The following MGAM variants were observed in gnomAD, a reference collection of about 807,000 sequenced individuals.
MGAM encodes the protein alpha-1,4-glucosidase.
In MGAM, 253 loss-of-function variants were observed where a neutral mutation model predicts 358.8. The observed-to-expected ratio is 0.71, with a 90% confidence interval of 0.64 to 0.78. The LOEUF is 0.78. Among genes scored for constraint, MGAM ranks in the 30% least tolerant of loss-of-function variants. The probability of loss-of-function intolerance (pLI) is 0.00; values close to 1 mark genes in which losing one functional copy is unlikely to be tolerated. For synonymous variants in MGAM, 1,105 were observed against 1,227.1 expected (o/e 0.90, Z 2.08); for missense variants, 3,080 against 3,432.6 (o/e 0.90, Z 2.57).
chr7:142,019,328 G>C lies in MGAM; in HGVS notation c.448+9G>C, dbSNP rs973841028. 3.1e-6 allele frequency: 5 copies of C among 1,611,350 alleles called. No individual in the cohort carries two copies. The highest frequency in any genetic ancestry group is 4.2e-6 in the Non-Finnish European group (5 of 1,179,412). ...TGTCAACACAAATGCAGGTAAGCCAGAGTCTGCCATGATGCAGGAGGTCCA... is the reference window on the plus strand; with the variant it reads ...TGTCAACACAAATGCAGGTAAGCCACAGTCTGCCATGATGCAGGAGGTCCA... On this transcript the variant is annotated intron_variant, in intron 4 of 70. Coordinates refer to ENST00000475668, the MANE Select transcript of MGAM (RefSeq NM_001365693.1).
In MGAM at chr7:142,067,964, AAATATATATATATATATATATATTTTTT is replaced by A. The variant is rs1257240115; in HGVS notation, c.5004+540_5004+567del. Among the ~76,000 whole-genome samples, 46 of 31,102 alleles carry A rather than the reference AAATATATATATATATATATATATTTTTT, an allele frequency of 1.5e-3. 6 individuals carry two copies. Among genetic ancestry groups the A allele is most frequent in the Admixed American group, 5.4e-3 (10 of 1,858 alleles). The allele number at this position is 31,102 out of a possible 152,430, so 20.4% of individuals were successfully genotyped here. ...TATATATATATATATATATATATAT[AAATATATATATATATATATATATTTTTT>A]TTTTTTTTTTTTTGAGACAGAGTCT... On this transcript the variant is annotated intron_variant, in intron 42 of 70. Transcript: ENST00000475668.
chr7:142,041,005 T>C (rs532671372), intron 21 of MGAM, among the ~76,000 whole-genome samples, 159 bp downstream of exon 21: 1 of 152,268 alleles, frequency 6.6e-6, no homozygotes, highest in South Asian at 2.1e-4. Context: ...GGGAGGCTTT[T>C]CAATTCTGGG....
At chr7:142,065,928 T>A in intron 40 of MGAM, 97 bp downstream of exon 40, 3 of 1,011,058 alleles carry the variant, frequency 3.0e-6, no homozygotes, top group Non-Finnish European at 4.3e-6. Flanking sequence ...TCCTGGGATA[T>A]CTTTAAAAAA....
At chr7:142,094,956 C>A in intron 63 of MGAM, 93 bp downstream of exon 63, 1 of 1,282,440 alleles carries the variant, frequency 7.8e-7, no homozygotes, top group Non-Finnish European at 1.0e-6. Context: ...CCTGTGATAT[C>A]TTTAAAATTT....
chr7:142,098,314 G>C (rs1442118582), intron 66 of MGAM, among the ~76,000 whole-genome samples: 1 of 152,118 alleles, frequency 6.6e-6, no homozygotes, highest in East Asian at 1.9e-4. Flanking sequence ...CTCTGGGGTG[G>C]TGGGCTCTTG....
At chr7:142,098,610 C>A (rs1352811854) in intron 66 of MGAM, among the ~76,000 whole-genome samples, 2 of 152,168 alleles carry the variant, frequency 1.3e-5, no homozygotes, top group African/African-American at 4.8e-5. Context: ...CCAGACTCCT[C>A]TTCCTGCTGC....
chr7:142,042,655 A>G (rs1250256778), intron 21 of MGAM, among the ~76,000 whole-genome samples: 1 of 27,264 alleles, frequency 3.7e-5, no homozygotes, highest in African/African-American at 1.3e-4. Context: ...AATATATATT[A>G]TATATACATA....
At chr7:142,008,958 C>G (rs1805387824) in intron 3 of MGAM, among the ~76,000 whole-genome samples, 2 of 152,066 alleles carry the variant, frequency 1.3e-5, no homozygotes, top group Admixed American at 1.3e-4. Flanking sequence ...CAGCCAAATT[C>G]AAATTTCAGA....
chr7:142,080,838 C>T lies in MGAM; in HGVS notation c.5895C>T (p.Asn1965=), dbSNP rs1814193703. 1 of 1,556,506 alleles carries T rather than the reference C, an allele frequency of 6.4e-7. No individual in the cohort carries two copies. The highest frequency in any genetic ancestry group is 1.3e-5 in the African/African-American group (1 of 74,668). Residue 1965 remains asparagine (N), a synonymous_variant, in exon 50 of 71, where the codon AAC becomes AAT. Coordinates refer to ENST00000475668, the MANE Select transcript of MGAM (RefSeq NM_001365693.1). The stretch of plus-strand genomic sequence containing the variant: ...GGTATGAAGTTCCAGTCCCTCTGAA[C>T]ATACCCAGCGTGCCATCCAGCACCC... The part of the protein sequence containing the change: ...NNRYEVPVPL[N]IPSVPSSTPE...
In MGAM at chr7:142,093,397, GTTC is replaced by G; in HGVS notation, c.7034-11_7034-9del. On this transcript the variant is annotated splice_polypyrimidine_tract_variant and intron_variant, in intron 59 of 70. Coordinates refer to ENST00000475668, the MANE Select transcript of MGAM (RefSeq NM_001365693.1). ...ATCAGGGCTGGATTTCACCTCACCA[GTTC>G]TTCCTCCTCAGATTTGGAGTCCAGG... 3 of 1,530,198 alleles carry G rather than the reference GTTC, an allele frequency of 2.0e-6. No individual in the cohort carries two copies. The Admixed American group carries it at 5.4e-5, about 28-fold the overall frequency. 94.8% of individuals were successfully genotyped at this position (1,530,198 alleles called of 1,614,324 possible).
At chr7:142,056,975 T>A (rs1234085696) in intron 30 of MGAM, 33 bp downstream of exon 30, 2 of 1,599,848 alleles carry the variant, frequency 1.3e-6, no homozygotes, top group African/African-American at 2.7e-5. Flanking sequence ...ATCAAGTACT[T>A]ACACAGCACA....
At chr7:142,046,647 T>C (rs1168248591) in intron 21 of MGAM, among the ~76,000 whole-genome samples, 3 of 152,136 alleles carry the variant, frequency 2.0e-5, no homozygotes, top group Non-Finnish European at 4.4e-5. Context: ...TGTTATCCTG[T>C]TATTGTTTTC....
At chr7:141,995,961 G>A (rs1238718796) in intron 1 of MGAM, 31 bp downstream of exon 1, 2 of 152,146 alleles carry the variant, frequency 1.3e-5, no homozygotes, top group African/African-American at 4.8e-5. Context: ...TTCTTTTACG[G>A]TTACAGATGT....
At position 142,067,964 on chromosome 7, in the gene MGAM, AAATATATATATATATATATATATTTTTTT is replaced by A. The variant is rs1186061538; in HGVS notation, c.5004+540_5004+568del. 3.4e-3 allele frequency among the ~76,000 whole-genome samples: 106 copies of A among 31,098 alleles called. 5 individuals are homozygous for A. Among genetic ancestry groups the A allele is most frequent in the African/African-American group, 9.5e-3 (96 of 10,130 alleles). 20.4% of individuals were successfully genotyped at this position (31,098 alleles called of 152,430 possible). ...TATATATATATATATATATATATAT[AAATATATATATATATATATATATTTTTTT>A]TTTTTTTTTTTTGAGACAGAGTCTC... On this transcript the variant is annotated intron_variant, in intron 42 of 70. Transcript: ENST00000475668.
chr7:142,095,838 A>G, intron 64 of MGAM, 125 bp downstream of exon 64: 4 of 1,408,584 alleles, frequency 2.8e-6, no homozygotes, highest in Non-Finnish European at 2.9e-6. Context: ...GGTGCAGACC[A>G]TACTTTATTA....
chr7:142,092,410 T>A, intron 58 of MGAM, 111 bp from the exon 59 acceptor site: 1 of 1,110,744 alleles, frequency 9.0e-7, no homozygotes, highest in South Asian at 1.4e-5. Context: ...AGGGCTGGCA[T>A]CTATAGGGAT....
At chr7:142,010,019 T>C (rs1309018506) in intron 3 of MGAM, among the ~76,000 whole-genome samples, 2 of 152,144 alleles carry the variant, frequency 1.3e-5, no homozygotes, top group African/African-American at 4.8e-5. Context: ...TCATCTGTCC[T>C]CCAAGATTAT....
At position 142,069,908 on chromosome 7, in the gene MGAM, A is replaced by G. The variant is rs184037308; in HGVS notation, c.5062-1086A>G. Reference sequence around the variant, plus strand: ...AGCAAGCTGTTTAGAAAAAGATGAAATTGGGCCAGGTGTGGTGGCTCACAC... The same window carrying G: ...AGCAAGCTGTTTAGAAAAAGATGAAGTTGGGCCAGGTGTGGTGGCTCACAC... On this transcript the variant is annotated intron_variant, in intron 43 of 70. Transcript: ENST00000475668. Among the ~76,000 whole-genome samples the G allele has an allele frequency of 3.4e-4, 49 of 145,558 alleles. 4 individuals are homozygous for G. The highest frequency in any genetic ancestry group is 4.2e-4 in the Non-Finnish European group (27 of 64,230).
At chr7:142,055,284 G>A (rs1811397387) in intron 27 of MGAM, among the ~76,000 whole-genome samples, 1 of 152,172 alleles carries the variant, frequency 6.6e-6, no homozygotes, top group Admixed American at 6.5e-5. Flanking sequence ...GTGTGGAGTG[G>A]TCCCAGCTGT....
Sources: allele counts gnomAD v4.1 joint callset (sites outside exome capture counted in the v4.1 genomes callset), GRCh38; gene constraint gnomAD v4.1.1; transcripts MANE v1.5; gene names NCBI Gene and HGNC (gene_info 2026-07-23, HGNC 2026-07-21).